NEGR1: variants seen among roughly 807,000 people sequenced by gnomAD.
NEGR1 encodes neuronal growth regulator 1.
In NEGR1, 10 loss-of-function variants were observed where a neutral mutation model predicts 40.9. The observed-to-expected ratio is 0.24, with a 90% CI of 0.15 to 0.42. The LOEUF (loss-of-function observed/expected upper bound fraction) is 0.42. NEGR1 is among the 10% of genes least tolerant of loss of function. The probability of loss-of-function intolerance (pLI) is 1.00; values close to 1 mark genes in which losing one functional copy is unlikely to be tolerated. For synonymous variants in NEGR1, 185 were observed against 166.8 expected (o/e 1.11, Z -0.84); for missense variants, 352 against 438.9 (o/e 0.80, Z 1.77).
chr1:71,648,126 T>C (rs1258285880), intron 4 of NEGR1, among the ~76,000 whole-genome samples: 1 of 152,020 alleles, frequency 6.6e-6, no homozygotes. Context: ...ATAACTTTCT[T>C]AAAAGAATGC....
chr1:71,865,196 T>C (rs1304900571), intron 2 of NEGR1, among the ~76,000 whole-genome samples: 1 of 152,212 alleles, frequency 6.6e-6, no homozygotes, highest in Non-Finnish European at 1.5e-5. Context: ...TTCTTAGCCA[T>C]ACCTGAAGGT....
chr1:71,564,799 T>C (rs528546923), intron 6 of NEGR1, among the ~76,000 whole-genome samples: 2 of 151,892 alleles, frequency 1.3e-5, no homozygotes, highest in Admixed American at 6.6e-5. Context: ...TCACAGATCA[T>C]ATAATCATTG....
intron 4 of NEGR1, among the ~76,000 whole-genome samples, chr1:71,656,176 T>C (rs1181333449): frequency 1.3e-5 from 2 of 150,504 alleles, no homozygotes; most frequent in African/African-American, 5.0e-5. Context: ...GCACTGTTAG[T>C]TTTAAGTATC....
At chr1:72,105,706 A>G (rs753498515) in intron 1 of NEGR1, among the ~76,000 whole-genome samples, 21 of 152,212 alleles carry the variant, frequency 1.4e-4, no homozygotes, top group Non-Finnish European at 2.6e-4. Flanking sequence ...AGAGAGATGC[A>G]ATCACACAAG....
intron 1 of NEGR1, among the ~76,000 whole-genome samples, chr1:72,173,225 C>G (rs940055318): frequency 2.2e-4 from 33 of 150,530 alleles, no homozygotes; most frequent in African/African-American, 7.8e-4. Context: ...CCAGAATGGT[C>G]TCAAACTCCT....
At chr1:72,165,594 C>T (rs1651736246) in intron 1 of NEGR1, among the ~76,000 whole-genome samples, 1 of 151,966 alleles carries the variant, frequency 6.6e-6, no homozygotes. Context: ...TCTTCCATTG[C>T]CATACTCTTT....
At chr1:72,042,622 A>G (rs888322408) in intron 1 of NEGR1, among the ~76,000 whole-genome samples, 1 of 151,990 alleles carries the variant, frequency 6.6e-6, no homozygotes, top group African/African-American at 2.4e-5. Context: ...CAGAAACCAC[A>G]TAAGCACTAG....
In NEGR1 at chr1:71,955,719, C is replaced by T. The variant is rs185746063; in HGVS notation, c.177-20408G>A. 2.0e-3 allele frequency among the ~76,000 whole-genome samples: 301 copies of T among 152,228 alleles called. 2 individuals carry two copies. Among genetic ancestry groups the T allele is most frequent in the African/African-American group, 6.9e-3 (286 of 41,566 alleles). On this transcript the variant is annotated intron_variant, in intron 1 of 6. Coordinates refer to ENST00000357731, the MANE Select transcript of NEGR1 (RefSeq NM_173808.3). ...ACATTGGGAATTATTAAAGTGGTATCTTTAAAAATATCCAAACCTCAGTTA... is the reference window on the plus strand; with the variant it reads ...ACATTGGGAATTATTAAAGTGGTATTTTTAAAAATATCCAAACCTCAGTTA...
chr1:71,654,857 C>T (rs917745320), intron 4 of NEGR1, among the ~76,000 whole-genome samples: 2 of 152,000 alleles, frequency 1.3e-5, no homozygotes, highest in Non-Finnish European at 2.9e-5. Flanking sequence ...CAGCTTTAAT[C>T]ATGGAATACT....
chr1:72,248,575 T>TTTATTA (rs201326223), intron 1 of NEGR1, among the ~76,000 whole-genome samples: 11,213 of 132,712 alleles, frequency 0.084, 523 homozygotes, highest in Non-Finnish European at 0.088. Flanking sequence ...TCTATTTTTA[T>TTTATTA]TTATTATTAT....
intron 4 of NEGR1, among the ~76,000 whole-genome samples, chr1:71,655,393 T>TA (rs1379797074): frequency 3.3e-5 from 5 of 152,004 alleles, no homozygotes; most frequent in African/African-American, 1.2e-4. Flanking sequence ...TCAGATAGAG[T>TA]AAAAAATAGA....
At chr1:71,744,795 C>A (rs1402668536) in intron 3 of NEGR1, among the ~76,000 whole-genome samples, 1 of 152,156 alleles carries the variant, frequency 6.6e-6, no homozygotes, top group Non-Finnish European at 1.5e-5. Context: ...TATTAAAAAT[C>A]ATTATTCTTA....
chr1:72,202,769 TA>T (rs1329360740), intron 1 of NEGR1, among the ~76,000 whole-genome samples: 1 of 152,032 alleles, frequency 6.6e-6, no homozygotes, highest in African/African-American at 2.4e-5. Context: ...GTGACTCTGT[TA>T]GCTTGGTGGC....
At chr1:71,426,760 T>C (rs1012471058) in intron 6 of NEGR1, among the ~76,000 whole-genome samples, 3 of 152,190 alleles carry the variant, frequency 2.0e-5, no homozygotes, top group Non-Finnish European at 4.4e-5. Context: ...CAGGGTGTAA[T>C]TGAAAAATTC....
chr1:72,109,463 T>C (rs2100263943), intron 1 of NEGR1, among the ~76,000 whole-genome samples: 1 of 151,768 alleles, frequency 6.6e-6, no homozygotes, highest in East Asian at 1.9e-4. Flanking sequence ...TTAAAAATTT[T>C]TCCTAAAAAA....
intron 3 of NEGR1, among the ~76,000 whole-genome samples, chr1:71,765,350 A>G (rs956274636): frequency 6.6e-6 from 1 of 152,140 alleles, no homozygotes; most frequent in Non-Finnish European, 1.5e-5. Context: ...CAGGGAAAAC[A>G]CTTCCACAAC....
chr1:71,434,736 G>A (rs1646494940), intron 6 of NEGR1, among the ~76,000 whole-genome samples: 1 of 152,144 alleles, frequency 6.6e-6, no homozygotes, highest in Admixed American at 6.5e-5. Flanking sequence ...CTGCAACTGT[G>A]GTTGGCTGCC....
At position 71,651,858 on chromosome 1, in the gene NEGR1, A is replaced by G. The variant is rs1297965656; in HGVS notation, c.668-40712T>C. On this transcript the variant is annotated intron_variant, in intron 4 of 6. Coordinates refer to ENST00000357731, the MANE Select transcript of NEGR1 (RefSeq NM_173808.3). ...CGTTATTGAATCCTTACAATTTTAT[A>G]AGGTGCCAGTATTACTTTTGTTTCA... 2.0e-5 allele frequency among the ~76,000 whole-genome samples: 3 copies of G among 152,148 alleles called. No homozygotes were observed. In the East Asian group the frequency reaches 5.8e-4, roughly 29 times the overall value.
At chr1:72,238,534 G>A (rs1654635778) in intron 1 of NEGR1, among the ~76,000 whole-genome samples, 1 of 151,686 alleles carries the variant, frequency 6.6e-6, no homozygotes, top group Non-Finnish European at 1.5e-5. Flanking sequence ...TGCTCTAATA[G>A]TCATTAATTC....
Sources: allele counts gnomAD v4.1 joint callset (sites outside exome capture counted in the v4.1 genomes callset), GRCh38; gene constraint gnomAD v4.1.1; transcripts MANE v1.5; gene names NCBI Gene and HGNC (gene_info 2026-07-23, HGNC 2026-07-21).